The following LRMDA variants were observed in gnomAD, a reference collection of about 807,000 sequenced individuals.
LRMDA encodes leucine-rich melanocyte differentiation-associated protein.
A neutral mutation model predicts 29.8 loss-of-function variants in LRMDA; 18 were observed. The ratio of observed to expected loss-of-function variants is 0.60; its 90% CI spans 0.42 to 0.90. LRMDA has a LOEUF of 0.90. LRMDA is among the 40% of genes least tolerant of loss of function. The pLI is 0.00. For synonymous variants in LRMDA, 125 were observed against 109.4 expected, an observed-to-expected ratio of 1.14 and a Z score of -0.89; for missense variants, 273 against 273.9, an observed-to-expected ratio of 1.00 and a Z score of 0.02.
intron 5 of LRMDA, among the ~76,000 whole-genome samples, chr10:76,115,210 A>G (rs1203002172): frequency 6.6e-6 from 1 of 152,236 alleles, no homozygotes; most frequent in African/African-American, 2.4e-5. Flanking sequence ...CTTACTATTG[A>G]TTAAACACAA....
chr10:75,603,687 C>T (rs543369400), intron 2 of LRMDA, among the ~76,000 whole-genome samples: 12 of 152,272 alleles, frequency 7.9e-5, no homozygotes, highest in African/African-American at 2.6e-4. Flanking sequence ...TTCCCCTCAA[C>T]ACCATTCTTG....
At chr10:76,344,868 C>CATTGCA (rs1841083240) in intron 6 of LRMDA, among the ~76,000 whole-genome samples, 4 of 147,324 alleles carry the variant, frequency 2.7e-5, no homozygotes. Context: ...CACCTTACAG[C>CATTGCA]AGGATACGTT....
At chr10:76,281,578 C>G (rs115901806) in intron 5 of LRMDA, among the ~76,000 whole-genome samples, 6 of 152,152 alleles carry the variant, frequency 3.9e-5, no homozygotes, top group African/African-American at 1.4e-4. Flanking sequence ...CCCAACCCCC[C>G]CATCATCCAT....
At chr10:75,797,295 C>T (rs1843669647) in intron 2 of LRMDA, among the ~76,000 whole-genome samples, 1 of 152,106 alleles carries the variant, frequency 6.6e-6, no homozygotes, top group African/African-American at 2.4e-5. Flanking sequence ...TATCTGTAGG[C>T]TCTGCCATTA....
At chr10:75,617,751 T>A (rs1323817966) in intron 2 of LRMDA, among the ~76,000 whole-genome samples, 1 of 152,328 alleles carries the variant, frequency 6.6e-6, no homozygotes, top group East Asian at 1.9e-4. Flanking sequence ...CCTTTCTCCC[T>A]CAGTCTTTTG....
intron 5 of LRMDA, among the ~76,000 whole-genome samples, chr10:76,157,589 G>A (rs1355928163): frequency 1.3e-5 from 2 of 151,966 alleles, no homozygotes; most frequent in African/African-American, 4.8e-5. Context: ...ACTGCAGCCT[G>A]GGTGACAGAG....
chr10:76,445,038 C>T lies in LRMDA; in HGVS notation c.602-112171C>T, dbSNP rs571172417. The stretch of plus-strand genomic sequence containing the variant: ...TATAGTGTGCCTATGAAGGACAAAG[C>T]GCGGTGCAAAGCACTGTGGGGAATA... On this transcript the variant is annotated intron_variant, in intron 6 of 6. Coordinates refer to ENST00000611255, the MANE Select transcript of LRMDA (RefSeq NM_001305581.2). Among the ~76,000 whole-genome samples the T allele has an allele frequency of 3.9e-5, 6 of 152,110 alleles. 1 individual carries two copies. The South Asian group carries it at 8.3e-4, about 21-fold the overall frequency.
At position 76,224,788 on chromosome 10, in the gene LRMDA, G is replaced by A. The variant is rs540380082; in HGVS notation, c.517-99613G>A. On this transcript the variant is annotated intron_variant, in intron 5 of 6. Coordinates refer to ENST00000611255, the MANE Select transcript of LRMDA (RefSeq NM_001305581.2). ...GTCAAATATAGGTATGATCTAGGAA[G>A]AATTAACTAACCCTTGGGAAGACCT... 8.7e-5 allele frequency among the ~76,000 whole-genome samples: 13 copies of A among 148,580 alleles called. No individual in the cohort carries two copies. In the South Asian group the frequency reaches 2.6e-3, roughly 29 times the overall value.
chr10:76,235,124 A>G (rs1329986413), intron 5 of LRMDA, among the ~76,000 whole-genome samples: 1 of 152,156 alleles, frequency 6.6e-6, no homozygotes, highest in East Asian at 1.9e-4. Context: ...AAGCCATTGT[A>G]GAGTTATAAA....
intron 2 of LRMDA, among the ~76,000 whole-genome samples, chr10:75,586,344 C>CTTTTTTTTT (rs748097971): frequency 3.4e-5 from 1 of 29,034 alleles, no homozygotes; most frequent in Non-Finnish European, 6.8e-5. Context: ...ACCAACACGT[C>CTTTTTTTTT]TTTTTTTTTT....
rs566030079 is a variant in LRMDA at position 76,556,155 on chromosome 10, G to A, written c.602-1054G>A. Among the ~76,000 whole-genome samples the A allele has an allele frequency of 2.0e-5, 3 of 152,234 alleles. No homozygotes were observed. The South Asian group carries it at 6.2e-4, about 32-fold the overall frequency. ...TAAAAAGTTCAACCCTATTGTAGGGGCATTTTTCATTGTTAAGTCTCCTAC... is the reference window on the plus strand; with the variant it reads ...TAAAAAGTTCAACCCTATTGTAGGGACATTTTTCATTGTTAAGTCTCCTAC... On this transcript the variant is annotated intron_variant, in intron 6 of 6. Transcript: ENST00000611255.
At chr10:76,046,637 A>G (rs1020191094) in intron 3 of LRMDA, among the ~76,000 whole-genome samples, 4 of 152,084 alleles carry the variant, frequency 2.6e-5, no homozygotes, top group Non-Finnish European at 5.9e-5. Context: ...GGCTCCTGCC[A>G]TCATGCCCAG....
chr10:76,397,307 T>A (rs1055138034), intron 6 of LRMDA, among the ~76,000 whole-genome samples: 1 of 152,078 alleles, frequency 6.6e-6, no homozygotes, highest in Non-Finnish European at 1.5e-5. Context: ...GAGGCCCTGT[T>A]TTTATTGGCC....
intron 3 of LRMDA, among the ~76,000 whole-genome samples, 156 bp downstream of exon 3, chr10:76,036,290 T>C (rs866685254): frequency 1.3e-5 from 2 of 152,188 alleles, no homozygotes; most frequent in Non-Finnish European, 2.9e-5. Flanking sequence ...GACAAAGCAT[T>C]CTGTCTTCTG....
chr10:76,069,869 T>A (rs1848848144), intron 5 of LRMDA, among the ~76,000 whole-genome samples: 1 of 151,964 alleles, frequency 6.6e-6, no homozygotes, highest in Non-Finnish European at 1.5e-5. Context: ...TCTGGGGAGG[T>A]TTTAAGTCTG....
chr10:76,443,745 G>A (rs1012916566), intron 6 of LRMDA, among the ~76,000 whole-genome samples: 1 of 152,160 alleles, frequency 6.6e-6, no homozygotes, highest in African/African-American at 2.4e-5. Flanking sequence ...TGGGTTGTAA[G>A]GTTATATTTT....
intron 2 of LRMDA, among the ~76,000 whole-genome samples, chr10:76,027,498 G>C (rs978026680): frequency 7.9e-5 from 12 of 152,136 alleles, no homozygotes; most frequent in Admixed American, 7.9e-4. Flanking sequence ...GTATCTGGGA[G>C]ATATAGATAG....
At chr10:76,304,932 G>T (rs974446794) in intron 5 of LRMDA, among the ~76,000 whole-genome samples, 4 of 152,174 alleles carry the variant, frequency 2.6e-5, no homozygotes, top group African/African-American at 9.7e-5. Context: ...GAAGGCAGGG[G>T]CTGGGGCAGA....
At chr10:75,738,163 CT>C (rs1035288115) in intron 2 of LRMDA, among the ~76,000 whole-genome samples, 22 of 152,080 alleles carry the variant, frequency 1.4e-4, no homozygotes, top group African/African-American at 5.1e-4. Context: ...AAAATTCTTC[CT>C]CCTTTTTTTT....
Sources: allele counts gnomAD v4.1 joint callset (sites outside exome capture counted in the v4.1 genomes callset), GRCh38; gene constraint gnomAD v4.1.1; transcripts MANE v1.5; gene names NCBI Gene and HGNC (gene_info 2026-07-23, HGNC 2026-07-21).